The following SYNE1 variants were observed in gnomAD, a reference collection of about 807,000 sequenced individuals.
The protein encoded by SYNE1 is nesprin-1.
SYNE1 carries 616 observed loss-of-function variants against 1,111.0 expected under a neutral mutation model. The observed-to-expected ratio is 0.55, with a 90% confidence interval of 0.52 to 0.59. The LOEUF (loss-of-function observed/expected upper bound fraction) is 0.59. Among genes scored for constraint, SYNE1 ranks in the 20% least tolerant of loss-of-function variants. SYNE1 has a pLI of 0.00. For synonymous variants in SYNE1, 3,855 were observed against 3,825.8 expected (o/e 1.01, Z -0.28); for missense variants, 10,006 against 10,417.0 (o/e 0.96, Z 1.72).
rs374468447 is a variant in SYNE1 at position 152,278,215 on chromosome 6, G to A, written c.18447C>T (p.Asn6149=). 9.3e-6 allele frequency: 15 copies of A among 1,614,172 alleles called. No homozygotes were observed. Among genetic ancestry groups the A allele is most frequent in the Non-Finnish European group, 1.3e-5 (15 of 1,180,042 alleles). The change falls in exon 98 of 146, where the codon AAC becomes AAT. Residue 6149 remains asparagine, a synonymous_variant. Coordinates refer to ENST00000367255, the MANE Select transcript of SYNE1 (RefSeq NM_182961.4). The part of the protein sequence containing the change: ...ALSELSVHNE[N]LLLEGKAHTK... Reference sequence around the variant, plus strand: ...TGTGAGCTTTGCCCTCCAGCAGCAGGTTCTCATTGTGGACTGACAGTTCTG... The same window carrying A: ...TGTGAGCTTTGCCCTCCAGCAGCAGATTCTCATTGTGGACTGACAGTTCTG...
At chr6:152,237,540 C>T (rs1379400433) in intron 108 of SYNE1, among the ~76,000 whole-genome samples, 1 of 151,978 alleles carries the variant, frequency 6.6e-6, no homozygotes, top group Non-Finnish European at 1.5e-5. Flanking sequence ...GTCTCAAACT[C>T]CTGGTATCAA....
intron 3 of SYNE1, among the ~76,000 whole-genome samples, chr6:152,564,555 G>A (rs564873471): frequency 9.2e-5 from 14 of 152,136 alleles, no homozygotes; most frequent in Non-Finnish European, 1.8e-4. Flanking sequence ...GAACTCAAGT[G>A]ATCTGCCCAC....
At chr6:152,401,610 G>A (rs1317459700) in intron 46 of SYNE1, among the ~76,000 whole-genome samples, 2 of 152,218 alleles carry the variant, frequency 1.3e-5, no homozygotes, top group Non-Finnish European at 2.9e-5. Flanking sequence ...GGGAAGATGT[G>A]AGAGGGCATT....
Position 152,511,029 on chromosome 6 carries a change from G to A in SYNE1, c.384C>T (p.Thr128=), listed in dbSNP as rs773315965. The A allele has an allele frequency of 6.2e-7, 1 of 1,613,814 alleles. No homozygotes were observed. The highest frequency in any genetic ancestry group is 8.5e-7 in the Non-Finnish European group (1 of 1,179,810). Residue 128 remains threonine (T), a synonymous_variant, in exon 7 of 146, where the codon ACC becomes ACT. Transcript: ENST00000367255. ...ACAATACCTGGAAATATAGAATAAT[G>A]GTCCACATCAATCCAAGAACTATTG... ...RPSIVLGLMW[T]IILYFQIEEL... is the part of the protein sequence containing the mutation.
intron 127 of SYNE1, among the ~76,000 whole-genome samples, chr6:152,193,576 C>G (rs4869751): frequency 1.3e-5 from 2 of 151,924 alleles, no homozygotes; most frequent in Non-Finnish European, 2.9e-5. Context: ...CCTTGGCCTC[C>G]TAAAGTGCTG....
intron 8 of SYNE1, among the ~76,000 whole-genome samples, chr6:152,509,317 C>T (rs1160160355): frequency 7.8e-6 from 1 of 128,286 alleles, no homozygotes; most frequent in Non-Finnish European, 1.5e-5. Flanking sequence ...ATGGCACAAT[C>T]TTGATCTCAG....
rs979489132 is a variant in SYNE1 at position 152,296,707 on chromosome 6, A to G, written c.17683-2580T>C. Among the ~76,000 whole-genome samples the G allele has an allele frequency of 2.6e-5, 4 of 152,364 alleles. No individual in the cohort carries two copies. In the East Asian group the frequency reaches 5.8e-4, roughly 22 times the overall value. ...TTTAAATTGTTTAAAATCTCTCTTC[A>G]TGAAGATAGAGAGATTTCATTAAAA... On this transcript the variant is annotated intron_variant, in intron 93 of 145. Transcript: ENST00000367255.
intron 115 of SYNE1, among the ~76,000 whole-genome samples, chr6:152,227,609 T>C (rs1165776250): frequency 6.6e-6 from 1 of 152,196 alleles, no homozygotes; most frequent in Non-Finnish European, 1.5e-5. Context: ...TTTAGAACTT[T>C]TCTATTTCTG....
chr6:152,453,445 G>GT (rs756537898), intron 25 of SYNE1, 141 bp downstream of exon 25: 93 of 1,232,632 alleles, frequency 7.5e-5, no homozygotes, highest in Non-Finnish European at 1.0e-4. Context: ...TTTAAGTCCA[G>GT]TTTTTTGAGT....
intron 8 of SYNE1, among the ~76,000 whole-genome samples, chr6:152,505,643 A>G (rs2099053853): frequency 6.6e-6 from 1 of 152,244 alleles, no homozygotes; most frequent in Admixed American, 6.5e-5. Flanking sequence ...TAGTTAAGTT[A>G]AAGCGTATTT....
At chr6:152,282,563 G>A (rs2094100312) in intron 96 of SYNE1, among the ~76,000 whole-genome samples, 1 of 151,766 alleles carries the variant, frequency 6.6e-6, no homozygotes, top group Admixed American at 6.6e-5. Context: ...AAAAAAAATC[G>A]ACGTCAATCG....
intron 41 of SYNE1, among the ~76,000 whole-genome samples, chr6:152,414,957 G>T (rs1341161627): frequency 6.6e-6 from 1 of 152,094 alleles, no homozygotes; most frequent in Non-Finnish European, 1.5e-5. Context: ...AACCTCAGGA[G>T]CCCAGTCCCA....
chr6:152,441,908 A>G (rs985233473), intron 31 of SYNE1, among the ~76,000 whole-genome samples, 167 bp downstream of exon 31: 1 of 152,214 alleles, frequency 6.6e-6, no homozygotes, highest in Admixed American at 6.5e-5. Flanking sequence ...TCCAATATCC[A>G]TCTCTAAGGC....
rs1244467909 is a variant in SYNE1 at position 152,220,919 on chromosome 6, T to C, written c.21784A>G (p.Thr7262Ala). Residue 7262 changes from threonine (T) to alanine (A), a missense_variant, in exon 119 of 146, where the codon ACC becomes GCC. Transcript: ENST00000367255. ...GTGGCTGCCTTCAACAGCTCATTGG[T>C]TCGATCCTCCTGCTGCTGAACTGTC... ...ASTVQQQEDR[T>A]NELLKAATNK... The C allele has an allele frequency of 6.2e-7, 1 of 1,614,182 alleles. No homozygotes were observed. The highest frequency in any genetic ancestry group is 8.5e-7 in the Non-Finnish European group (1 of 1,180,010).
At chr6:152,271,286 T>C (rs2153686343) in intron 98 of SYNE1, among the ~76,000 whole-genome samples, 1 of 152,344 alleles carries the variant, frequency 6.6e-6, no homozygotes, top group East Asian at 1.9e-4. Context: ...GACTTTATCT[T>C]TATCTTTGCA....
chr6:152,526,228 C>G (rs2099162973), intron 4 of SYNE1, 53 bp from the exon 5 acceptor site: 1 of 1,520,900 alleles, frequency 6.6e-7, no homozygotes, highest in Non-Finnish European at 9.1e-7. Flanking sequence ...CTCTCTGTTT[C>G]TCTCTTTCTC....
intron 3 of SYNE1, among the ~76,000 whole-genome samples, chr6:152,584,623 A>G (rs2099531457): frequency 6.6e-6 from 1 of 151,990 alleles, no homozygotes; most frequent in Non-Finnish European, 1.5e-5. Flanking sequence ...AGGCTGCTCT[A>G]CACTTCTGGG....
chr6:152,271,110 G>C (rs988364829), intron 98 of SYNE1, among the ~76,000 whole-genome samples: 3 of 151,960 alleles, frequency 2.0e-5, no homozygotes, highest in African/African-American at 4.8e-5. Flanking sequence ...CACAACATGG[G>C]ACCCAGCCAT....
intron 112 of SYNE1, 57 bp from the exon 113 acceptor site, chr6:152,232,322 T>C: frequency 6.3e-7 from 1 of 1,579,294 alleles, no homozygotes; most frequent in Non-Finnish European, 8.7e-7. Context: ...CCCCAACTTC[T>C]GCTAACTTAA....
Sources: gnomAD v4.1 joint callset for allele counts (sites outside exome capture counted in the v4.1 genomes callset) on GRCh38, gnomAD v4.1.1 for gene constraint, MANE v1.5 for transcripts, NCBI Gene and HGNC (gene_info 2026-07-23, HGNC 2026-07-21) for gene names.